Variants in NBEA observed in about 807,000 individuals in gnomAD.
NBEA encodes lysosomal-trafficking regulator 2.
NBEA carries 44 observed loss-of-function variants against 343.4 expected under a neutral mutation model. That is an observed-to-expected ratio of 0.13 (90% CI 0.10 to 0.16). The LOEUF is 0.16. Ranked by LOEUF, NBEA falls within the 10% of genes least tolerant of loss-of-function variation. The pLI is 1.00. For synonymous variants in NBEA, 1,175 were observed against 1,238.7 expected (o/e 0.95, Z 1.08); for missense variants, 2,555 against 3,631.3 (o/e 0.70, Z 7.62).
intron 17 of NBEA, among the ~76,000 whole-genome samples, chr13:35,131,151 A>G (rs1329857126): frequency 6.6e-6 from 1 of 152,162 alleles, no homozygotes; most frequent in Non-Finnish European, 1.5e-5. Context: ...TATTAAACAG[A>G]GTAACGGCAA....
intron 39 of NBEA, among the ~76,000 whole-genome samples, chr13:35,441,119 G>A (rs2045717340): frequency 6.6e-6 from 1 of 151,972 alleles, no homozygotes; most frequent in Admixed American, 6.6e-5. Context: ...TTCCTTCCAT[G>A]TCTCTGGGCC....
intron 36 of NBEA, among the ~76,000 whole-genome samples, chr13:35,323,012 G>A (rs978933767): frequency 2.0e-5 from 3 of 151,994 alleles, no homozygotes; most frequent in Admixed American, 2.0e-4. Flanking sequence ...ACCATGCCCA[G>A]CTGCATTTTG....
At chr13:35,135,919 C>G (rs186573233) in intron 17 of NBEA, among the ~76,000 whole-genome samples, 6 of 151,866 alleles carry the variant, frequency 4.0e-5, no homozygotes, top group East Asian at 3.9e-4. Flanking sequence ...CCCCCTCCCC[C>G]CTCAAAAAAA....
chr13:35,515,999 A>G (rs897844262), intron 41 of NBEA, among the ~76,000 whole-genome samples: 5 of 151,976 alleles, frequency 3.3e-5, no homozygotes, highest in Non-Finnish European at 7.4e-5. Context: ...AATCTAAGAA[A>G]CCTTTTGGGG....
intron 41 of NBEA, among the ~76,000 whole-genome samples, chr13:35,523,427 A>G (rs1594876829): frequency 1.3e-5 from 2 of 152,154 alleles, no homozygotes; most frequent in African/African-American, 4.8e-5. Context: ...GACTTACTAC[A>G]TTGTGTTTCC....
At position 35,176,447 on chromosome 13, in the gene NBEA, T is replaced by C. The variant is rs566234711; in HGVS notation, c.4555-549T>C. Among the ~76,000 whole-genome samples the C allele has an allele frequency of 1.1e-4, 16 of 152,204 alleles. No individual in the cohort carries two copies. The South Asian group carries it at 3.3e-3, about 31-fold the overall frequency. On this transcript the variant is annotated intron_variant, in intron 27 of 58. Transcript: ENST00000379939. ...TAGTCTACTATGTGACTACATTACC[T>C]GAAATATGTAGATGTTTTTCCTCCA...
intron 1 of NBEA, among the ~76,000 whole-genome samples, chr13:34,962,139 T>A (rs2059679932): frequency 6.6e-6 from 1 of 152,092 alleles, no homozygotes; most frequent in Admixed American, 6.6e-5. Flanking sequence ...TGACTTGCGC[T>A]GTATTTTTAT....
At chr13:35,631,423 A>G (rs372140831) in intron 49 of NBEA, among the ~76,000 whole-genome samples, 31 of 152,080 alleles carry the variant, frequency 2.0e-4, no homozygotes, top group African/African-American at 7.2e-4. Context: ...TAACCCTTTT[A>G]TTGAGCTCAA....
Position 35,466,028 on chromosome 13 carries a change from T to C in NBEA, c.6449-6372T>C, listed in dbSNP as rs1293983079. ...GATCTACTATGATGAACAAATAATATGCTAAATTTCAGTATTCAGTTGCTC... is the reference window on the plus strand; with the variant it reads ...GATCTACTATGATGAACAAATAATACGCTAAATTTCAGTATTCAGTTGCTC... On this transcript the variant is annotated intron_variant, in intron 40 of 58. Transcript: ENST00000379939. Among the ~76,000 whole-genome samples, 12 of 152,290 alleles carry C rather than the reference T, an allele frequency of 7.9e-5. No individual in the cohort carries two copies. The East Asian group carries it at 2.3e-3, about 29-fold the overall frequency.
chr13:35,550,994 G>C lies in NBEA; in HGVS notation c.6768G>C (p.Arg2256=), dbSNP rs749297027. The C allele has an allele frequency of 1.2e-6, 2 of 1,609,768 alleles. No individual in the cohort carries two copies. Among genetic ancestry groups the C allele is most frequent in the African/African-American group, 2.7e-5 (2 of 74,782 alleles). ...TVKKVVYSLP[R]VGVGTSYGLP... The stretch of plus-strand genomic sequence containing the variant: ...AAAAAGTTGTCTATAGCTTGCCTCG[G>C]GTTGGAGTAGGGACCAGCTATGGTC... The change falls in exon 43 of 59, where the codon CGG becomes CGC. Residue 2256 remains arginine, a synonymous_variant. Coordinates refer to ENST00000379939, the MANE Select transcript of NBEA (RefSeq NM_001385012.1).
chr13:35,628,229 C>T lies in NBEA; in HGVS notation c.7598C>T (p.Thr2533Ile), dbSNP rs754649754. The change falls in exon 49 of 59, where the codon ACT becomes ATT. Residue 2533 changes from threonine to isoleucine, a missense_variant. Transcript: ENST00000379939. ...YEGSVNLDSITDPVLREIPEA... is the reference protein window; with the variant it reads ...YEGSVNLDSIIDPVLREIPEA... ...GGCTCTGTGAACCTGGATAGTATCA[C>T]TGATCCTGTGCTCAGGGAGGTAGGT... The T allele has an allele frequency of 1.9e-6, 3 of 1,608,662 alleles. No homozygotes were observed. Among genetic ancestry groups the T allele is most frequent in the Admixed American group, 3.4e-5 (2 of 59,152 alleles).
chr13:35,060,389 C>T (rs1191075946), intron 8 of NBEA, among the ~76,000 whole-genome samples: 1 of 151,756 alleles, frequency 6.6e-6, no homozygotes, highest in African/African-American at 2.4e-5. Flanking sequence ...ACACGTCTTT[C>T]TTGTCATTCT....
intron 34 of NBEA, among the ~76,000 whole-genome samples, chr13:35,265,390 A>G (rs2033587596): frequency 6.6e-6 from 1 of 151,900 alleles, no homozygotes; most frequent in African/African-American, 2.4e-5. Context: ...GTATGGAACC[A>G]CAGAAGACCC....
intron 34 of NBEA, among the ~76,000 whole-genome samples, chr13:35,264,058 A>G (rs1779889073): frequency 6.6e-6 from 1 of 151,932 alleles, no homozygotes; most frequent in African/African-American, 2.4e-5. Context: ...AAATAAAATC[A>G]GAAATGAAAA....
At chr13:35,396,318 G>C (rs2042742831) in intron 38 of NBEA, among the ~76,000 whole-genome samples, 1 of 151,962 alleles carries the variant, frequency 6.6e-6, no homozygotes, top group Non-Finnish European at 1.5e-5. Context: ...ATTTGTTTCT[G>C]TGTGTCTACT....
At chr13:35,065,962 G>A (rs891294387) in intron 8 of NBEA, among the ~76,000 whole-genome samples, 1 of 151,936 alleles carries the variant, frequency 6.6e-6, no homozygotes, top group Non-Finnish European at 1.5e-5. Context: ...TGTTTCGTGT[G>A]TACATTTTTT....
chr13:35,195,660 G>A (rs1053427082), intron 30 of NBEA, among the ~76,000 whole-genome samples: 2 of 152,130 alleles, frequency 1.3e-5, no homozygotes, highest in African/African-American at 4.8e-5. Flanking sequence ...GCCTCCCAAA[G>A]TGCTGGGGTT....
intron 31 of NBEA, among the ~76,000 whole-genome samples, chr13:35,206,817 G>A (rs1411070294): frequency 6.6e-6 from 1 of 152,006 alleles, no homozygotes; most frequent in Non-Finnish European, 1.5e-5. Flanking sequence ...GAGTGGTCCA[G>A]TTTTCAAGCC....
At chr13:35,331,638 A>C (rs2038932437) in intron 36 of NBEA, among the ~76,000 whole-genome samples, 1 of 152,106 alleles carries the variant, frequency 6.6e-6, no homozygotes, top group South Asian at 2.1e-4. Flanking sequence ...AAAAGATAAC[A>C]AACTGCATAA....
Sources: gnomAD v4.1 joint callset for allele counts (sites outside exome capture counted in the v4.1 genomes callset) on GRCh38, gnomAD v4.1.1 for gene constraint, MANE v1.5 for transcripts, NCBI Gene and HGNC (gene_info 2026-07-23, HGNC 2026-07-21) for gene names.